The following SOX6 variants were observed in gnomAD, a reference collection of about 807,000 sequenced individuals.
SOX6 encodes the protein transcription factor SOX-6.
SOX6 carries 11 observed loss-of-function variants against 97.8 expected under a neutral mutation model. The ratio of observed to expected loss-of-function variants is 0.11; its 90% confidence interval spans 0.07 to 0.19. SOX6 has a LOEUF of 0.19. Among genes scored for constraint, SOX6 ranks in the 10% least tolerant of loss-of-function variants. The pLI, the probability that SOX6 is intolerant of heterozygous loss-of-function variation, is 1.00. For missense variants in SOX6, 810 were observed against 1,039.5 expected, an observed-to-expected ratio of 0.78 and a Z score of 3.04; for synonymous variants, 360 against 371.4, an observed-to-expected ratio of 0.97 and a Z score of 0.35.
intron 3 of SOX6, among the ~76,000 whole-genome samples, chr11:16,651,083 G>T (rs1227746409): frequency 6.6e-6 from 1 of 151,840 alleles, no homozygotes; most frequent in African/African-American, 2.4e-5. Context: ...TGAAGAAATA[G>T]AAACTGAACA....
intron 13 of SOX6, among the ~76,000 whole-genome samples, chr11:15,999,936 A>C (rs4342995): frequency 0.38 from 58,496 of 151,996 alleles, 12,133 homozygotes; most frequent in East Asian, 0.62. Context: ...AAAAATGTAG[A>C]AGGTGAAATT....
intron 1 of SOX6, among the ~76,000 whole-genome samples, chr11:16,372,301 A>G (rs1275001595): frequency 6.6e-6 from 1 of 152,114 alleles, no homozygotes; most frequent in Non-Finnish European, 1.5e-5. Flanking sequence ...CTAACTAGGT[A>G]TGATACTAAA....
At chr11:16,643,008 A>C (rs1206660147) in intron 3 of SOX6, among the ~76,000 whole-genome samples, 1 of 152,110 alleles carries the variant, frequency 6.6e-6, no homozygotes, top group Non-Finnish European at 1.5e-5. Flanking sequence ...TAGAAGTTTC[A>C]GTTTTTCTGC....
At chr11:16,437,926 T>C (rs1859415972) in intron 1 of SOX6, among the ~76,000 whole-genome samples, 1 of 152,174 alleles carries the variant, frequency 6.6e-6, no homozygotes, top group Non-Finnish European at 1.5e-5. Flanking sequence ...ATTGTAAAAA[T>C]ATAAGCATGT....
chr11:16,324,028 A>C (rs1855998850), intron 2 of SOX6, among the ~76,000 whole-genome samples: 3 of 151,816 alleles, frequency 2.0e-5, no homozygotes, highest in Non-Finnish European at 4.4e-5. Context: ...ACAAATAATA[A>C]AAAAAATTAG....
chr11:16,236,164 T>A (rs1044227743), intron 3 of SOX6, among the ~76,000 whole-genome samples: 5 of 152,016 alleles, frequency 3.3e-5, no homozygotes, highest in African/African-American at 1.2e-4. Context: ...CAACAAATGA[T>A]CTACTACTGT....
intron 12 of SOX6, among the ~76,000 whole-genome samples, chr11:16,041,775 C>A (rs938730390): frequency 1.1e-4 from 17 of 152,114 alleles, no homozygotes; most frequent in African/African-American, 3.9e-4. Context: ...CAGATCCTAG[C>A]AGGTAGCTAG....
At chr11:16,596,438 A>T (rs974691261) in intron 4 of SOX6, among the ~76,000 whole-genome samples, 1 of 152,216 alleles carries the variant, frequency 6.6e-6, no homozygotes, top group Non-Finnish European at 1.5e-5. Flanking sequence ...AGAAACATGT[A>T]CGAGACATTT....
chr11:16,028,354 C>G (rs914332019), intron 12 of SOX6, among the ~76,000 whole-genome samples: 1 of 152,168 alleles, frequency 6.6e-6, no homozygotes, highest in African/African-American at 2.4e-5. Context: ...CATAGATCCA[C>G]AAAGCTTTCA....
In SOX6 at chr11:15,993,365, G is replaced by C. The variant is rs375857708; in HGVS notation, c.1733-4135C>G. 5.9e-5 allele frequency among the ~76,000 whole-genome samples: 9 copies of C among 152,242 alleles called. No homozygotes were observed. The East Asian group carries it at 1.2e-3, about 20-fold the overall frequency. ...TAGTCTGCATCAGAATCCAGAACTT[G>C]GAATGGCTCATAATTCTATGAGGCA... is the stretch of plus-strand genomic sequence containing the variant. On this transcript the variant is annotated intron_variant, in intron 13 of 15. Coordinates refer to ENST00000683767, the MANE Select transcript of SOX6 (RefSeq NM_001367873.1).
chr11:16,276,188 A>G (rs1854394786), intron 3 of SOX6, among the ~76,000 whole-genome samples: 1 of 152,220 alleles, frequency 6.6e-6, no homozygotes, highest in Admixed American at 6.5e-5. Flanking sequence ...ACTCAAAATT[A>G]TCTCTAAAGA....
chr11:16,214,639 T>A (rs1852318644), intron 4 of SOX6, among the ~76,000 whole-genome samples: 1 of 151,978 alleles, frequency 6.6e-6, no homozygotes, highest in Non-Finnish European at 1.5e-5. Flanking sequence ...CATATTCACA[T>A]CCCCATTCAT....
chr11:16,341,465 G>C (rs536514364), intron 1 of SOX6, among the ~76,000 whole-genome samples: 61 of 152,130 alleles, frequency 4.0e-4, no homozygotes, highest in African/African-American at 1.3e-3. Context: ...AGTAATTACT[G>C]CATATTTTCT....
chr11:16,638,276 G>C (rs1009641356), intron 3 of SOX6, among the ~76,000 whole-genome samples: 1 of 152,040 alleles, frequency 6.6e-6, no homozygotes, highest in African/African-American at 2.4e-5. Context: ...TGGTGTATAT[G>C]TGCCACATTT....
chr11:16,164,737 C>T (rs181573517), intron 6 of SOX6, among the ~76,000 whole-genome samples: 1,824 of 151,524 alleles, frequency 0.012, 35 homozygotes, highest in African/African-American at 0.041. Flanking sequence ...GCAGGAGAAT[C>T]ACTTGAACCT....
At chr11:16,455,380 T>C (rs1859793201) in intron 1 of SOX6, among the ~76,000 whole-genome samples, 1 of 152,014 alleles carries the variant, frequency 6.6e-6, no homozygotes, top group Non-Finnish European at 1.5e-5. Context: ...CTTCAAGGAC[T>C]TTTACTTTAT....
intron 3 of SOX6, among the ~76,000 whole-genome samples, chr11:16,665,867 T>C (rs1847803684): frequency 6.6e-6 from 1 of 151,900 alleles, no homozygotes; most frequent in Non-Finnish European, 1.5e-5. Flanking sequence ...TGGGAGAAAA[T>C]AAGGAAAAAG....
At chr11:16,546,656 A>C (rs1847623870) in intron 4 of SOX6, among the ~76,000 whole-genome samples, 1 of 152,164 alleles carries the variant, frequency 6.6e-6, no homozygotes, top group Admixed American at 6.6e-5. Flanking sequence ...AAGCTATAAA[A>C]CCGCTAGGAG....
intron 2 of SOX6, among the ~76,000 whole-genome samples, chr11:16,733,261 T>C (rs1590068684): frequency 6.6e-6 from 1 of 152,216 alleles, no homozygotes; most frequent in East Asian, 1.9e-4. Context: ...CATTGTACTT[T>C]AAAGACAGAT....
Sources: gnomAD v4.1 joint callset for allele counts (sites outside exome capture counted in the v4.1 genomes callset) on GRCh38, gnomAD v4.1.1 for gene constraint, MANE v1.5 for transcripts, NCBI Gene and HGNC (gene_info 2026-07-23, HGNC 2026-07-21) for gene names.